Variants in TRIM7 observed in about 807,000 individuals in gnomAD.
TRIM7 encodes tripartite motif containing 7.
In TRIM7, 32 loss-of-function variants were observed where a neutral mutation model predicts 37.9. The observed-to-expected ratio is 0.84, with a 90% CI of 0.64 to 1.13. The LOEUF is 1.13. TRIM7 is among the 50% of genes most tolerant of loss of function. The pLI is 0.00. For missense variants in TRIM7, 732 were observed against 714.0 expected (o/e 1.03, Z -0.29); for synonymous variants, 351 against 321.3 (o/e 1.09, Z -0.99).
chr5:181,200,852 T>A (rs1036908941), intron 2 of TRIM7: 1 of 985,074 alleles, frequency 1.0e-6, no homozygotes, highest in African/African-American at 1.8e-5. Flanking sequence ...AGGAAGGGAG[T>A]CCTGTGAAGT....
At chr5:181,196,245 C>G (rs961574985) in intron 6 of TRIM7, 2 of 151,996 alleles carry the variant, frequency 1.3e-5, no homozygotes, top group African/African-American at 2.4e-5. Flanking sequence ...ATAAATTAGC[C>G]GGGCGTGGTG....
At chr5:181,202,657 C>T (rs927311977) in intron 2 of TRIM7, 8 of 151,780 alleles carry the variant, frequency 5.3e-5, no homozygotes, top group Admixed American at 5.2e-4. Flanking sequence ...AGCTCTGCCT[C>T]CCGGGTTCAC....
At chr5:181,200,336 T>G (rs1470357049) in intron 2 of TRIM7, 2 of 1,424,736 alleles carry the variant, frequency 1.4e-6, no homozygotes, top group Non-Finnish European at 1.8e-6. Context: ...CTCCATCACC[T>G]AAACCAAGGC....
intron 2 of TRIM7, chr5:181,200,548 A>G (rs1757419777): frequency 9.8e-7 from 1 of 1,024,400 alleles, no homozygotes; most frequent in African/African-American, 1.7e-5. Flanking sequence ...AGCAGTTATA[A>G]TGCTAACACA....
intron 2 of TRIM7, chr5:181,200,766 AT>A: frequency 1.0e-6 from 1 of 985,908 alleles, no homozygotes; most frequent in Non-Finnish European, 1.2e-6. Context: ...TGATCTCTTG[AT>A]TTTTTATGTG....
rs186769028 is a variant in TRIM7, at chr5:181,199,764, G to A, written c.849+87C>T. 3.9e-3 allele frequency: 5,705 copies of A among 1,471,926 alleles called. 13 individuals are homozygous for A. Among genetic ancestry groups the A allele is most frequent in the Non-Finnish European group, 4.7e-3 (5,221 of 1,114,220 alleles). The allele number at this position is 1,471,926 out of a possible 1,614,324, so 91.2% of individuals were successfully genotyped here. A position where few individuals can be genotyped will look rare whatever the true frequency, so the allele number is the denominator to read the frequency against. ...AGCTCCAGATCATGTGATTCTCCTA[G>A]ACCCCCCAGGACTGACACTGTTCTC... is the stretch of plus-strand genomic sequence containing the variant. On this transcript the variant is annotated intron_variant, in intron 3 of 6. Coordinates refer to ENST00000274773, the MANE Select transcript of TRIM7 (RefSeq NM_203293.3).
At position 181,195,022 on chromosome 5, in the gene TRIM7, T is replaced by G; in HGVS notation, c.*144A>C. ...GGTTGGCCACAGTCACTCTCCTGCC[T>G]CGGGGTTGTGTCTGTAGCAGGCTCT... On this transcript the variant is annotated 3_prime_UTR_variant, in exon 7 of 7. Transcript: ENST00000274773. The G allele has an allele frequency of 9.6e-7, 1 of 1,040,014 alleles. No individual in the cohort carries two copies. The highest frequency in any genetic ancestry group is 1.4e-6 in the Non-Finnish European group (1 of 726,086). 64.4% of individuals were successfully genotyped at this position (1,040,014 alleles called of 1,614,324 possible).
chr5:181,200,618 T>G, intron 2 of TRIM7: 1 of 1,004,998 alleles, frequency 1.0e-6, no homozygotes, highest in African/African-American at 1.7e-5. Flanking sequence ...AAAAGTCCGA[T>G]GCCAGTGACC....
chr5:181,201,970 A>G (rs1757515286), intron 2 of TRIM7, among the ~76,000 whole-genome samples: 1 of 152,120 alleles, frequency 6.6e-6, no homozygotes, highest in Non-Finnish European at 1.5e-5. Flanking sequence ...GCTCTTCCTC[A>G]TGGAGGAAAG....
At chr5:181,197,742 CCCT>C (rs1757219642) in intron 6 of TRIM7, 1 of 176,504 alleles carries the variant, frequency 5.7e-6, no homozygotes, top group Non-Finnish European at 1.2e-5. Flanking sequence ...CCCTCCCCTC[CCCT>C]CCTCTGGGTG....
At chr5:181,204,096 T>A in intron 1 of TRIM7, 6 of 997,908 alleles carry the variant, frequency 6.0e-6, no homozygotes, top group Non-Finnish European at 6.0e-6. Flanking sequence ...GTCAGACGGC[T>A]CTAGGTGCGC....
chr5:181,197,832 C>G, intron 6 of TRIM7: 1 of 296,078 alleles, frequency 3.4e-6, no homozygotes, highest in Non-Finnish European at 6.3e-6. Flanking sequence ...CCTTGCTTTC[C>G]TGGTCCCCTG....
intron 2 of TRIM7, chr5:181,200,302 C>T: frequency 7.0e-7 from 1 of 1,438,680 alleles, no homozygotes. Flanking sequence ...CACAGATGCA[C>T]CCACACATGT....
intron 2 of TRIM7, among the ~76,000 whole-genome samples, chr5:181,201,792 G>A (rs985355944): frequency 1.4e-4 from 21 of 152,280 alleles, no homozygotes; most frequent in Middle Eastern, 6.8e-3. Context: ...GTTGGGAGAG[G>A]ACAGAGGTGG....
intron 6 of TRIM7, 157 bp from the exon 7 acceptor site, chr5:181,195,834 C>T (rs1335872853): frequency 3.3e-6 from 3 of 916,496 alleles, no homozygotes; most frequent in Non-Finnish European, 4.6e-6. Flanking sequence ...CCACGCTCTG[C>T]CTCCCAGAGA....
chr5:181,198,612 AC>A (rs1250205579), intron 5 of TRIM7, 77 bp downstream of exon 5: 4 of 991,642 alleles, frequency 4.0e-6, no homozygotes, highest in Non-Finnish European at 6.3e-6. Context: ...TGGAAAGCAC[AC>A]CCAGGGACCC....
chr5:181,205,042 C>T lies in TRIM7; in HGVS notation c.69G>A (p.Leu23=). ...AGATGGAGCACGTCGCCTCGCCCTGCAGCTCTGCCGCCAGCGCTAGAGCCT... is the reference window on the plus strand; with the variant it reads ...AGATGGAGCACGTCGCCTCGCCCTGTAGCTCTGCCGCCAGCGCTAGAGCCT... ...GAEALALAAE[L]QGEATCSICL... The change falls in exon 1 of 7, where the codon CTG becomes CTA. Residue 23 remains leucine (L), a synonymous_variant. Coordinates refer to ENST00000274773, the MANE Select transcript of TRIM7 (RefSeq NM_203293.3). The T allele has an allele frequency of 1.4e-6, 2 of 1,424,342 alleles. No homozygotes were observed. Among genetic ancestry groups the T allele is most frequent in the Non-Finnish European group, 1.8e-6 (2 of 1,095,452 alleles). 88.2% of individuals were successfully genotyped at this position (1,424,342 alleles called of 1,614,324 possible). A position where few individuals can be genotyped will look rare whatever the true frequency, so the allele number is the denominator to read the frequency against.
chr5:181,199,172 C>G (rs1757324692), intron 3 of TRIM7, 55 bp from the exon 4 acceptor site: 1 of 1,608,320 alleles, frequency 6.2e-7, no homozygotes, highest in Non-Finnish European at 8.5e-7. Flanking sequence ...CCATTCACCT[C>G]TGAGAAACAA....
At chr5:181,203,260 AT>A in intron 2 of TRIM7, 1 of 1,254,988 alleles carries the variant, frequency 8.0e-7, no homozygotes, top group South Asian at 3.0e-5. Flanking sequence ...CCTAACTGGT[AT>A]GTTACGTAAT....
Sources: gnomAD v4.1 joint callset for allele counts (sites outside exome capture counted in the v4.1 genomes callset) on GRCh38, gnomAD v4.1.1 for gene constraint, MANE v1.5 for transcripts, NCBI Gene and HGNC (gene_info 2026-07-23, HGNC 2026-07-21) for gene names.